SOX5: variants seen among roughly 807,000 people sequenced by gnomAD.
SOX5 encodes transcription factor SOX-5.
SOX5 carries 9 observed loss-of-function variants against 92.0 expected under a neutral mutation model. That is an observed-to-expected ratio of 0.10 (90% CI 0.06 to 0.17). The LOEUF (loss-of-function observed/expected upper bound fraction) is 0.17. Among genes scored for constraint, SOX5 ranks in the 10% least tolerant of loss-of-function variants. The pLI is 1.00. For missense variants in SOX5, 642 were observed against 944.5 expected (o/e 0.68, Z 4.20); for synonymous variants, 344 against 336.3 (o/e 1.02, Z -0.25).
At chr12:24,376,272 C>T (rs1247374790) in intron 1 of SOX5, among the ~76,000 whole-genome samples, 2 of 152,114 alleles carry the variant, frequency 1.3e-5, no homozygotes, top group Non-Finnish European at 2.9e-5. Context: ...CATTGGAACC[C>T]GCAGCTGGAA....
At chr12:24,149,772 A>G (rs1951473482) in intron 4 of SOX5, among the ~76,000 whole-genome samples, 1 of 152,200 alleles carries the variant, frequency 6.6e-6, no homozygotes, top group Non-Finnish European at 1.5e-5. Context: ...TCAGATATTT[A>G]TCAACAGATG....
At chr12:23,576,243 C>G (rs879747542) in intron 9 of SOX5, among the ~76,000 whole-genome samples, 1 of 151,900 alleles carries the variant, frequency 6.6e-6, no homozygotes, top group Non-Finnish European at 1.5e-5. Context: ...TCTTTGTACC[C>G]TGGTACCTAG....
At chr12:24,291,399 C>A (rs1946607080) in intron 2 of SOX5, among the ~76,000 whole-genome samples, 5 of 152,194 alleles carry the variant, frequency 3.3e-5, no homozygotes, top group Admixed American at 3.3e-4. Context: ...ACAGGTAGTT[C>A]TCACGAATGT....
At chr12:23,575,581 G>T in intron 10 of SOX5, 80 bp downstream of exon 10, 1 of 1,323,168 alleles carries the variant, frequency 7.6e-7, no homozygotes, top group Non-Finnish European at 1.1e-6. Flanking sequence ...TATAGAGTGG[G>T]TGTGATGTGC....
intron 1 of SOX5, among the ~76,000 whole-genome samples, chr12:23,917,395 A>T (rs893154482): frequency 1.3e-5 from 2 of 151,950 alleles, no homozygotes; most frequent in East Asian, 3.9e-4. Flanking sequence ...ACAAAAACAA[A>T]AACAAAAAAT....
chr12:24,468,793 A>G (rs1390881742), intron 1 of SOX5, among the ~76,000 whole-genome samples: 2 of 152,166 alleles, frequency 1.3e-5, no homozygotes, highest in Non-Finnish European at 2.9e-5. Flanking sequence ...AAGGAGTCTA[A>G]TGATGTTTTT....
At chr12:23,615,144 C>T (rs984456906) in intron 8 of SOX5, among the ~76,000 whole-genome samples, 2 of 152,064 alleles carry the variant, frequency 1.3e-5, no homozygotes, top group South Asian at 2.1e-4. Flanking sequence ...TTAATTATAA[C>T]TATTTTGGCA....
At chr12:24,327,275 T>C (rs752093965) in intron 2 of SOX5, among the ~76,000 whole-genome samples, 6 of 152,036 alleles carry the variant, frequency 3.9e-5, no homozygotes, top group Non-Finnish European at 8.8e-5. Flanking sequence ...TATCTTGTAT[T>C]GAGTTATCCC....
In SOX5 at chr12:24,501,142, T is replaced by C. The variant is rs59659977; in HGVS notation, c.-251+61187A>G. 1.9e-3 allele frequency among the ~76,000 whole-genome samples: 294 copies of C among 152,272 alleles called. 1 individual carries two copies. The highest frequency in any genetic ancestry group is 6.8e-3 in the African/African-American group (283 of 41,540). ...AGAGACTGTGCCACAATTTTATCCT[T>C]ATAAATTAGCCTACCAGACAAACAC... On this transcript the variant is annotated intron_variant, in intron 1 of 4. Coordinates refer to the SOX5 transcript ENST00000446891.
chr12:23,710,225 C>T (rs2091901095), intron 6 of SOX5, among the ~76,000 whole-genome samples: 1 of 151,984 alleles, frequency 6.6e-6, no homozygotes, highest in Non-Finnish European at 1.5e-5. Flanking sequence ...GGAATATTTT[C>T]AGTGCAATAT....
chr12:23,735,287 T>C (rs888067725), intron 5 of SOX5, among the ~76,000 whole-genome samples: 2 of 144,968 alleles, frequency 1.4e-5, no homozygotes, highest in South Asian at 2.1e-4. Context: ...TCTGTTTCCA[T>C]TTTTTTTTAC....
chr12:24,318,800 CTGCAAAACCAT>C (rs1949944991), intron 2 of SOX5, among the ~76,000 whole-genome samples: 1 of 152,180 alleles, frequency 6.6e-6, no homozygotes, highest in Non-Finnish European at 1.5e-5. Flanking sequence ...CTGGGGAAAA[CTGCAAAACCAT>C]TAGGATTGGT....
chr12:24,245,235 T>TTTTGTG (rs1555193825), intron 3 of SOX5, among the ~76,000 whole-genome samples: 4 of 144,274 alleles, frequency 2.8e-5, no homozygotes, highest in Admixed American at 2.8e-4. Context: ...TTGGAGAGAT[T>TTTTGTG]TGTGTGTGTG....
chr12:23,959,317 GAATA>G (rs1946631129), intron 4 of SOX5, among the ~76,000 whole-genome samples: 2 of 151,858 alleles, frequency 1.3e-5, no homozygotes, highest in African/African-American at 4.8e-5. Flanking sequence ...AAATACAATG[GAATA>G]AAAAGAATAT....
intron 3 of SOX5, among the ~76,000 whole-genome samples, chr12:24,270,982 T>C (rs1026505645): frequency 1.3e-5 from 2 of 152,276 alleles, no homozygotes; most frequent in African/African-American, 4.8e-5. Context: ...AACCATCTTG[T>C]AGATTTCTTC....
chr12:24,353,797 C>A (rs500633), intron 2 of SOX5, among the ~76,000 whole-genome samples: 50,760 of 151,798 alleles, frequency 0.33, 9,791 homozygotes, highest in East Asian at 0.78. Context: ...CCCGCCACCA[C>A]GCCCAGCTAA....
At chr12:24,012,708 G>A (rs1247220346) in intron 4 of SOX5, among the ~76,000 whole-genome samples, 1 of 151,864 alleles carries the variant, frequency 6.6e-6, no homozygotes, top group Non-Finnish European at 1.5e-5. Flanking sequence ...AAATCAGCAG[G>A]TGGCACTCTT....
chr12:23,940,901 G>A (rs559610771), intron 1 of SOX5, among the ~76,000 whole-genome samples: 48 of 151,058 alleles, frequency 3.2e-4, no homozygotes, highest in Non-Finnish European at 6.5e-4. Context: ...TTCACCCAAC[G>A]TCTTCGGTTC....
At position 23,533,302 on chromosome 12, in the gene SOX5, T is replaced by A. The variant is rs529716532; in HGVS notation, c.*917A>T. 5.0e-6 allele frequency: 2 copies of A among 397,528 alleles called. No homozygotes were observed. The highest frequency in any genetic ancestry group is 2.1e-5 in the African/African-American group (1 of 48,644). The allele number at this position is 397,528 out of a possible 1,614,324, so 24.6% of individuals were successfully genotyped here. On this transcript the variant is annotated 3_prime_UTR_variant, in exon 15 of 15. Transcript: ENST00000451604. ...AAAATATTTTTCTCTAAATTTCTTA[T>A]GTCTCTCTCTCTCTCTCTCTTTTCA...
Sources: allele counts gnomAD v4.1 joint callset (sites outside exome capture counted in the v4.1 genomes callset), GRCh38; gene constraint gnomAD v4.1.1; transcripts MANE v1.5; gene names NCBI Gene and HGNC (gene_info 2026-07-23, HGNC 2026-07-21).